Variants in CPS1 observed in about 807,000 individuals in gnomAD.
CPS1 encodes carbamoyl-phosphate synthase [ammonia], mitochondrial.
A neutral mutation model predicts 174.6 loss-of-function variants in CPS1; 109 were observed. That is an observed-to-expected ratio of 0.62 (90% CI 0.53 to 0.73). The LOEUF is 0.73. Ranked by LOEUF, CPS1 falls within the 30% of genes least tolerant of loss-of-function variation. The pLI, the probability that CPS1 is intolerant of heterozygous loss-of-function variation, is 0.00. For synonymous variants in CPS1, 637 were observed against 632.0 expected (o/e 1.01, Z -0.12); for missense variants, 1,689 against 1,821.9 (o/e 0.93, Z 1.33).
intron 1 of CPS1, among the ~76,000 whole-genome samples, chr2:210,518,184 A>T (rs1216443023): frequency 6.6e-6 from 1 of 152,000 alleles, no homozygotes; most frequent in East Asian, 1.9e-4. Context: ...GTGAGTTTCT[A>T]ATTTTATAAA....
At chr2:210,558,553 A>G (rs2106040870) in intron 1 of CPS1, among the ~76,000 whole-genome samples, 1 of 152,192 alleles carries the variant, frequency 6.6e-6, no homozygotes, top group South Asian at 2.1e-4. Flanking sequence ...TATATGTGCC[A>G]TCTAATACTT....
At position 210,516,174 on chromosome 2, in the gene CPS1, TG is replaced by T. The variant is rs1164542772; in HGVS notation, c.3+38410del. Among the ~76,000 whole-genome samples the T allele has an allele frequency of 9.2e-5, 14 of 151,826 alleles. No individual in the cohort carries two copies. In the Admixed American group the frequency reaches 9.2e-4, roughly 10 times the overall value. On this transcript the variant is annotated intron_variant, in intron 1 of 38. Coordinates refer to the CPS1 transcript ENST00000430249. ...GTAGATGTGAAAGATGTACATTCTATGGTTGCTGGGTGGAGTATTTTTAGGT... is the reference window on the plus strand; with the variant it reads ...GTAGATGTGAAAGATGTACATTCTATGTTGCTGGGTGGAGTATTTTTAGGT...
chr2:210,665,660 A>C (rs1042703266), intron 33 of CPS1, among the ~76,000 whole-genome samples: 8 of 151,688 alleles, frequency 5.3e-5, no homozygotes, highest in African/African-American at 1.9e-4. Context: ...TGAACTCATC[A>C]TTTTTTATGG....
rs138246038 is a variant in CPS1, at chr2:210,524,064, C to G, written c.4-32655C>G. The stretch of plus-strand genomic sequence containing the variant: ...GCATATGCAAAAGCACCTACCAGAA[C>G]AGCTGTCAGAACGCAGGCACTCAAT... On this transcript the variant is annotated intron_variant, in intron 1 of 38. Coordinates refer to the CPS1 transcript ENST00000430249. Among the ~76,000 whole-genome samples, 6 of 152,110 alleles carry G rather than the reference C, an allele frequency of 3.9e-5. No individual in the cohort carries two copies. The East Asian group carries it at 1.2e-3, about 29-fold the overall frequency.
chr2:210,577,287 TGCCTCTTG>T, intron 3 of CPS1, 126 bp from the exon 4 acceptor site: 1 of 718,024 alleles, frequency 1.4e-6, no homozygotes, highest in Non-Finnish European at 2.5e-6. Flanking sequence ...TTTTTTTTTT[TGCCTCTTG>T]TTTTTAAAAA....
Position 210,648,003 on chromosome 2 carries a change from T to A in CPS1, c.3282T>A (p.Ala1094=). 2 of 1,614,054 alleles carry A rather than the reference T, an allele frequency of 1.2e-6. No individual in the cohort carries two copies. The highest frequency in any genetic ancestry group is 1.7e-6 in the Non-Finnish European group (2 of 1,179,914). ...CTGAGGATCGCTCCATCTTCTCAGC[T>A]GTCTTGGATGAGCTGAAGGTGGCTC... The part of the protein sequence containing the change: ...DRAEDRSIFS[A]VLDELKVAQA... The change falls in exon 26 of 38, where the codon GCT becomes GCA. Residue 1094 remains alanine (A), a synonymous_variant. Transcript: ENST00000233072.
chr2:210,628,282 T>C (rs1348937451), intron 21 of CPS1, among the ~76,000 whole-genome samples: 1 of 152,162 alleles, frequency 6.6e-6, no homozygotes, highest in Non-Finnish European at 1.5e-5. Context: ...TGTCTTCTTA[T>C]GAAAAACCCC....
chr2:210,582,780 T>C, intron 6 of CPS1, 71 bp downstream of exon 6: 9 of 1,194,446 alleles, frequency 7.5e-6, no homozygotes, highest in South Asian at 7.3e-5. Context: ...TATCAAAATC[T>C]TTATTTAGGC....
At chr2:210,532,041 A>G (rs1265825929) in intron 1 of CPS1, among the ~76,000 whole-genome samples, 1 of 152,084 alleles carries the variant, frequency 6.6e-6, no homozygotes, top group Non-Finnish European at 1.5e-5. Flanking sequence ...AAAATCACAC[A>G]ATTCTTTGGT....
At chr2:210,656,845 G>A (rs1574649541) in intron 30 of CPS1, among the ~76,000 whole-genome samples, 1 of 152,018 alleles carries the variant, frequency 6.6e-6, no homozygotes, top group Non-Finnish European at 1.5e-5. Context: ...GGTTGTATGC[G>A]AGTACAGGGG....
intron 1 of CPS1, among the ~76,000 whole-genome samples, chr2:210,481,574 C>G (rs1425610193): frequency 1.3e-5 from 2 of 152,224 alleles, no homozygotes; most frequent in Non-Finnish European, 2.9e-5. Flanking sequence ...TACACCCTGG[C>G]AGGGGAGAGT....
intron 13 of CPS1, among the ~76,000 whole-genome samples, chr2:210,596,753 A>AC (rs1294680309): frequency 2.0e-5 from 3 of 151,970 alleles, no homozygotes; most frequent in Admixed American, 6.6e-5. Flanking sequence ...GAATACATTT[A>AC]ACTGTATACA....
intron 21 of CPS1, among the ~76,000 whole-genome samples, chr2:210,628,548 TGTTAA>T (rs1275306746): frequency 6.6e-6 from 1 of 152,254 alleles, no homozygotes; most frequent in Non-Finnish European, 1.5e-5. Flanking sequence ...GATAGGCTTC[TGTTAA>T]GTTTTTAGGA....
At chr2:210,526,638 C>A (rs995668089) in intron 1 of CPS1, among the ~76,000 whole-genome samples, 1 of 151,830 alleles carries the variant, frequency 6.6e-6, no homozygotes, top group Non-Finnish European at 1.5e-5. Flanking sequence ...CCACCCCTAC[C>A]CCACACACCC....
At chr2:210,623,678 T>G (rs1699609796) in intron 21 of CPS1, among the ~76,000 whole-genome samples, 1 of 152,074 alleles carries the variant, frequency 6.6e-6, no homozygotes, top group South Asian at 2.1e-4. Context: ...AGTGCTAAAT[T>G]GAGCTCAGTA....
chr2:210,513,056 ATG>A (rs1559056423), intron 1 of CPS1, among the ~76,000 whole-genome samples: 6 of 29,062 alleles, frequency 2.1e-4, no homozygotes, highest in Non-Finnish European at 5.9e-4. Context: ...ATATATATAT[ATG>A]GAGATATATA....
intron 2 of CPS1, 64 bp from the exon 3 acceptor site, chr2:210,576,279 GTAT>G (rs1410695754): frequency 1.0e-5 from 15 of 1,503,586 alleles, no homozygotes; most frequent in Non-Finnish European, 1.4e-5. Flanking sequence ...TTCAGAGCAT[GTAT>G]GCAGATTATA....
At chr2:210,519,363 A>G (rs1695761503) in intron 1 of CPS1, among the ~76,000 whole-genome samples, 1 of 152,028 alleles carries the variant, frequency 6.6e-6, no homozygotes, top group Admixed American at 6.6e-5. Context: ...GCCATTCTGA[A>G]AGTGAAACTA....
intron 4 of CPS1, 140 bp downstream of exon 4, chr2:210,577,650 A>G: frequency 2.7e-6 from 2 of 748,288 alleles, no homozygotes; most frequent in Non-Finnish European, 4.9e-6. Flanking sequence ...TTCTCTTACT[A>G]CATAAAGGCT....
Sources: allele counts gnomAD v4.1 joint callset (sites outside exome capture counted in the v4.1 genomes callset), GRCh38; gene constraint gnomAD v4.1.1; transcripts MANE v1.5; gene names NCBI Gene and HGNC (gene_info 2026-07-23, HGNC 2026-07-21).